The following PAICS variants were observed in gnomAD, a reference collection of about 807,000 sequenced individuals.
The protein encoded by PAICS is bifunctional phosphoribosylaminoimidazole carboxylase/phosphoribosylaminoimidazole succinocarboxamide synthetase.
Under a neutral mutation model 53.7 loss-of-function variants are expected in PAICS, and 33 were observed. That is an observed-to-expected ratio of 0.61 (90% confidence interval 0.47 to 0.82). The LOEUF is 0.82. Among genes scored for constraint, PAICS ranks in the 40% least tolerant of loss-of-function variants. PAICS has a pLI of 0.00. For missense variants in PAICS, 394 were observed against 494.1 expected (o/e 0.80, Z 1.92); for synonymous variants, 141 against 167.2 (o/e 0.84, Z 1.21).
At chr4:56,436,187 A>T (rs931991402), upstream of PAICS, 11 of 1,511,218 alleles carry the variant, frequency 7.3e-6, no homozygotes, top group Non-Finnish European at 9.8e-6. Context: ...GGAGCTCGAA[A>T]AGAGTGGCGC....
intron 8 of PAICS, among the ~76,000 whole-genome samples, chr4:56,456,195 G>A (rs1308349638): frequency 6.6e-6 from 1 of 152,050 alleles, no homozygotes; most frequent in Admixed American, 6.6e-5. Flanking sequence ...AGGTTCAAGC[G>A]GTTCTCGTGC....
At chr4:56,425,944 T>G in the PAICS span, among the ~76,000 whole-genome samples, 1 of 152,226 alleles carries the variant, frequency 6.6e-6, no homozygotes, top group South Asian at 2.1e-4. Flanking sequence ...ACACTTGACT[T>G]GTCTTTACTT....
intron 1 of PAICS, among the ~76,000 whole-genome samples, chr4:56,437,694 G>A (rs1375717398): frequency 6.6e-6 from 1 of 151,800 alleles, no homozygotes; most frequent in East Asian, 1.9e-4. Context: ...GGTGGCGTAT[G>A]CCTGTAATCC....
In PAICS at chr4:56,448,320, T is replaced by C. The variant is rs114522181; in HGVS notation, c.394-98T>C. The C allele has an allele frequency of 3.5e-3, 2,890 of 827,554 alleles. 47 individuals are homozygous for C. In the African/African-American group the frequency reaches 0.045, roughly 13 times the overall value. 51.3% of individuals were successfully genotyped at this position (827,554 alleles called of 1,614,324 possible). A position where few individuals can be genotyped will look rare whatever the true frequency, so the allele number is the denominator to read the frequency against. On this transcript the variant is annotated intron_variant, in intron 3 of 8. Coordinates refer to ENST00000512576, the MANE Select transcript of PAICS (RefSeq NM_001079524.2). ...ATGCCCGGCTGTGGCTAAAAATTTC[T>C]AAGGAGTTCATGCTCAAGGTGAAAA...
intron 2 of PAICS, among the ~76,000 whole-genome samples, chr4:56,444,257 CT>C (rs999526863): frequency 3.3e-5 from 5 of 152,056 alleles, no homozygotes; most frequent in South Asian, 2.1e-4. Context: ...AAGAAGTAAT[CT>C]TTTTCCGTGG....
At chr4:56,449,286 T>C (rs1718778371) in intron 5 of PAICS, among the ~76,000 whole-genome samples, 1 of 152,176 alleles carries the variant, frequency 6.6e-6, no homozygotes, top group Admixed American at 6.5e-5. Flanking sequence ...TCACTGATCA[T>C]TAGAGAAATG....
the PAICS span, chr4:56,414,187 T>C: frequency 1.3e-5 from 2 of 152,250 alleles, no homozygotes; most frequent in Non-Finnish European, 2.9e-5. Context: ...CCAGGTTTGA[T>C]TCATTATGTA....
intron 2 of PAICS, among the ~76,000 whole-genome samples, chr4:56,443,891 A>G (rs1718458697): frequency 6.6e-6 from 1 of 152,222 alleles, no homozygotes; most frequent in South Asian, 2.1e-4. Flanking sequence ...GGCACTTAAC[A>G]TAGCTAAAAC....
Position 56,464,063 on chromosome 4 carries a change from G to A in PAICS, c.*4525G>A, listed in dbSNP as rs1416981349. Reference sequence around the variant, plus strand: ...TCAGGCCTTCAGACTAGGACTTAACGTTATTGCCTCCCCTGATTCTCAAGC... The same window carrying A: ...TCAGGCCTTCAGACTAGGACTTAACATTATTGCCTCCCCTGATTCTCAAGC... On this transcript the variant is annotated 3_prime_UTR_variant, in exon 9 of 9. Coordinates refer to ENST00000512576, the MANE Select transcript of PAICS (RefSeq NM_001079524.2). 1 of 152,186 alleles carries A rather than the reference G, an allele frequency of 6.6e-6. No individual in the cohort carries two copies. The highest frequency in any genetic ancestry group is 1.5e-5 in the Non-Finnish European group (1 of 68,056). The allele number at this position is 152,186 out of a possible 1,614,324, so 9.4% of individuals were successfully genotyped here.
the PAICS span, among the ~76,000 whole-genome samples, chr4:56,411,123 A>T: frequency 2.6e-5 from 4 of 152,150 alleles, no homozygotes; most frequent in African/African-American, 7.2e-5. Flanking sequence ...AAAATCTGTA[A>T]AATACAGAAA....
intron 2 of PAICS, among the ~76,000 whole-genome samples, chr4:56,444,161 A>G (rs1718472449): frequency 1.3e-5 from 2 of 152,154 alleles, no homozygotes; most frequent in African/African-American, 2.4e-5. Flanking sequence ...AGTAGAGAGG[A>G]AAGAGCATTG....
intron 1 of PAICS, among the ~76,000 whole-genome samples, chr4:56,440,255 G>C (rs941733277): frequency 2.6e-5 from 4 of 152,176 alleles, no homozygotes; most frequent in African/African-American, 9.7e-5. Flanking sequence ...AGACAAATAA[G>C]AGTTTGGAGC....
At chr4:56,415,133 A>G in the PAICS span, among the ~76,000 whole-genome samples, 1 of 152,206 alleles carries the variant, frequency 6.6e-6, no homozygotes, top group African/African-American at 2.4e-5. Flanking sequence ...TTTAAAATGA[A>G]TATTTATGCC....
Position 56,436,288 on chromosome 4 carries a change from C to G in PAICS, c.-25C>G, listed in dbSNP as rs771626621. Reference sequence around the variant, plus strand: ...GTTCTGCCTCGCTTCCCGGCGCGGTCGCAGCCCTCAGCCCACTTAGGATAA... The same window carrying G: ...GTTCTGCCTCGCTTCCCGGCGCGGTGGCAGCCCTCAGCCCACTTAGGATAA... On this transcript the variant is annotated 5_prime_UTR_variant, in exon 1 of 9. Transcript: ENST00000512576. 4.4e-6 allele frequency: 7 copies of G among 1,597,312 alleles called. No individual in the cohort carries two copies. Among genetic ancestry groups the G allele is most frequent in the African/African-American group, 1.3e-5 (1 of 74,388 alleles).
chr4:56,448,357 T>TA, intron 3 of PAICS, 61 bp from the exon 4 acceptor site: 1 of 1,226,924 alleles, frequency 8.2e-7, no homozygotes, highest in East Asian at 2.5e-5. Flanking sequence ...GATGTTGGTT[T>TA]TTCTGAAAAG....
At chr4:56,417,077 G>A in the PAICS span, among the ~76,000 whole-genome samples, 1 of 152,124 alleles carries the variant, frequency 6.6e-6, no homozygotes, top group Non-Finnish European at 1.5e-5. Context: ...TAGAACTCTC[G>A]ACCTCTGGTG....
intron 2 of PAICS, 39 bp downstream of exon 2, chr4:56,441,899 TG>T (rs1177645672): frequency 7.4e-7 from 1 of 1,347,030 alleles, no homozygotes; most frequent in South Asian, 1.4e-5. Flanking sequence ...TCACCTTCTC[TG>T]GTAAGCATGT....
chr4:56,431,199 A>G (rs963855223), upstream of PAICS, among the ~76,000 whole-genome samples: 48 of 152,330 alleles, frequency 3.2e-4, no homozygotes, highest in Admixed American at 2.0e-3. Flanking sequence ...GGAATGTTAC[A>G]TATTTGATCA....
Position 56,459,782 on chromosome 4 carries a change from G to C in PAICS, c.*244G>C, listed in dbSNP as rs777907453. 57 of 361,264 alleles carry C rather than the reference G, an allele frequency of 1.6e-4. No individual in the cohort carries two copies. The Middle Eastern group carries it at 3.2e-3, about 21-fold the overall frequency. 22.4% of individuals were successfully genotyped at this position (361,264 alleles called of 1,614,324 possible). A position where few individuals can be genotyped will look rare whatever the true frequency, so the allele number is the denominator to read the frequency against. On this transcript the variant is annotated 3_prime_UTR_variant, in exon 9 of 9. Transcript: ENST00000512576. ...CTCTTACTTTATCCTTTTTCCTTAA[G>C]TATTGGTGGTCACTACTATTGAGTT...
Sources: allele counts gnomAD v4.1 joint callset (sites outside exome capture counted in the v4.1 genomes callset), GRCh38; gene constraint gnomAD v4.1.1; transcripts MANE v1.5; gene names NCBI Gene and HGNC (gene_info 2026-07-23, HGNC 2026-07-21).